Variants in KCNH1 observed in about 807,000 individuals in gnomAD.
The protein encoded by KCNH1 is voltage-gated delayed rectifier potassium channel KCNH1.
In KCNH1, 27 loss-of-function variants were observed where a neutral mutation model predicts 69.2. The observed-to-expected ratio is 0.39, with a 90% CI of 0.29 to 0.54. The LOEUF is 0.54. Among genes scored for constraint, KCNH1 ranks in the 20% least tolerant of loss-of-function variants. KCNH1 has a pLI of 0.68. For synonymous variants in KCNH1, 456 were observed against 487.7 expected (o/e 0.93, Z 0.86); for missense variants, 798 against 1,261.6 (o/e 0.63, Z 5.57).
chr1:211,023,139 TAAATAAATAAATAAATA>T (rs1359812762), intron 5 of KCNH1, among the ~76,000 whole-genome samples: 32 of 145,414 alleles, frequency 2.2e-4, no homozygotes, highest in African/African-American at 7.5e-4. Context: ...AATAAATAAA[TAAATAAATAAATAAATA>T]AATAAATTAA....
chr1:210,802,732 A>G (rs1684454705), intron 8 of KCNH1, among the ~76,000 whole-genome samples: 1 of 152,146 alleles, frequency 6.6e-6, no homozygotes, highest in Admixed American at 6.6e-5. Context: ...AAAACAAATA[A>G]CTAGAGAGAT....
At chr1:210,693,848 G>A (rs1467419295) in intron 10 of KCNH1, among the ~76,000 whole-genome samples, 1 of 152,150 alleles carries the variant, frequency 6.6e-6, no homozygotes, top group African/African-American at 2.4e-5. Context: ...GGAGACGCAT[G>A]CTAACTAACT....
chr1:210,746,111 G>A lies in KCNH1; in HGVS notation c.2112+29237C>T, dbSNP rs112773047. On this transcript the variant is annotated intron_variant, in intron 10 of 10. Transcript: ENST00000271751. ...CTGTTATTGATAAATATGGGGCAGT[G>A]ACCCTCTAAAAAGAGGTTGATCTTC... Among the ~76,000 whole-genome samples, 180 of 152,228 alleles carry A rather than the reference G, an allele frequency of 1.2e-3. 1 individual carries two copies. Among genetic ancestry groups the A allele is most frequent in the African/African-American group, 4.1e-3 (170 of 41,542 alleles).
At chr1:210,933,111 T>C (rs575000856) in intron 6 of KCNH1, among the ~76,000 whole-genome samples, 203 of 152,256 alleles carry the variant, frequency 1.3e-3, no homozygotes, top group African/African-American at 4.7e-3. Flanking sequence ...TTGGAACCAA[T>C]CCAAATGTCC....
intron 3 of KCNH1, among the ~76,000 whole-genome samples, chr1:211,095,285 A>ATCC (rs1316792806): frequency 3.3e-5 from 5 of 152,228 alleles, no homozygotes; most frequent in Admixed American, 6.5e-5. Flanking sequence ...TCAATGTTAA[A>ATCC]TCCTTTATTG....
At chr1:210,783,514 G>T (rs1684031977) in intron 9 of KCNH1, among the ~76,000 whole-genome samples, 1 of 152,224 alleles carries the variant, frequency 6.6e-6, no homozygotes. Context: ...ATCTGTTCAA[G>T]TTCTGACTAA....
chr1:210,852,886 G>A (rs1685738178), intron 7 of KCNH1, among the ~76,000 whole-genome samples: 2 of 152,162 alleles, frequency 1.3e-5, no homozygotes, highest in Admixed American at 1.3e-4. Flanking sequence ...GCACAACTGT[G>A]CCATCTGTTT....
rs76341382 is a variant in KCNH1 at position 211,018,487 on chromosome 1, T to G, written c.1032+296A>C. ...ATATACTCAATAGAAGACTTGCCAGTGCAGTGGCCATGCATGCCTGCTGCT... is the reference window on the plus strand; with the variant it reads ...ATATACTCAATAGAAGACTTGCCAGGGCAGTGGCCATGCATGCCTGCTGCT... On this transcript the variant is annotated intron_variant, in intron 6 of 10. Transcript: ENST00000271751. Among the ~76,000 whole-genome samples the G allele has an allele frequency of 9.8e-5, 15 of 152,364 alleles. No individual in the cohort carries two copies. The East Asian group carries it at 2.9e-3, about 29-fold the overall frequency.
chr1:210,868,309 A>G (rs1034076248), intron 7 of KCNH1, among the ~76,000 whole-genome samples: 2 of 151,942 alleles, frequency 1.3e-5, no homozygotes, highest in African/African-American at 4.8e-5. Context: ...ATTGAGTTGT[A>G]TAAGTTTTTT....
intron 6 of KCNH1, among the ~76,000 whole-genome samples, chr1:210,985,015 G>A (rs1245875083): frequency 1.3e-5 from 2 of 152,182 alleles, no homozygotes; most frequent in Admixed American, 1.3e-4. Context: ...AGTCTTGGGA[G>A]GGTGTATATG....
At chr1:210,839,394 C>T (rs981587937) in intron 7 of KCNH1, among the ~76,000 whole-genome samples, 8 of 151,758 alleles carry the variant, frequency 5.3e-5, no homozygotes, top group African/African-American at 9.7e-5. Flanking sequence ...GAACAACAAA[C>T]GCTGGGGAAC....
chr1:211,118,052 G>A (rs2102495249), intron 1 of KCNH1, among the ~76,000 whole-genome samples: 1 of 152,218 alleles, frequency 6.6e-6, no homozygotes, highest in South Asian at 2.1e-4. Flanking sequence ...TTTGCTCAAT[G>A]GAATTGTTTG....
intron 5 of KCNH1, among the ~76,000 whole-genome samples, chr1:211,062,830 G>T (rs1458026188): frequency 6.6e-6 from 1 of 152,184 alleles, no homozygotes; most frequent in Non-Finnish European, 1.5e-5. Context: ...GGATGTGGAG[G>T]AAAGGGAATC....
intron 1 of KCNH1, among the ~76,000 whole-genome samples, chr1:211,121,598 T>C (rs1691685573): frequency 6.6e-6 from 1 of 152,072 alleles, no homozygotes; most frequent in South Asian, 2.1e-4. Flanking sequence ...ACCTAGGCAA[T>C]ACCATTCAGG....
intron 1 of KCNH1, among the ~76,000 whole-genome samples, chr1:211,116,552 T>A (rs577121715): frequency 3.9e-5 from 6 of 152,294 alleles, no homozygotes; most frequent in Non-Finnish European, 7.4e-5. Flanking sequence ...GAAGAAGTAT[T>A]GGGGTGAATT....
At chr1:211,029,504 A>G (rs1276164876) in intron 5 of KCNH1, among the ~76,000 whole-genome samples, 2 of 151,930 alleles carry the variant, frequency 1.3e-5, no homozygotes, top group Non-Finnish European at 2.9e-5. Context: ...CCCAACACCC[A>G]TTCATAAAAC....
At chr1:210,896,352 A>G (rs7552646) in intron 7 of KCNH1, among the ~76,000 whole-genome samples, 17,461 of 152,202 alleles carry the variant, frequency 0.11, 1,312 homozygotes, top group Non-Finnish European at 0.17. Context: ...AACCCTAGAA[A>G]AAACCTGAGA....
intron 5 of KCNH1, among the ~76,000 whole-genome samples, chr1:211,020,177 A>G (rs971846299): frequency 6.6e-6 from 1 of 152,044 alleles, no homozygotes; most frequent in Admixed American, 6.6e-5. Context: ...TAAAATTAAG[A>G]CAAAAAATAC....
At chr1:210,859,245 C>T in intron 7 of KCNH1, 1 of 1,611,782 alleles carries the variant, frequency 6.2e-7, no homozygotes, top group Non-Finnish European at 8.5e-7. Flanking sequence ...AATTTGTATC[C>T]TCCATGCTTC....
Sources: gnomAD v4.1 joint callset for allele counts (sites outside exome capture counted in the v4.1 genomes callset) on GRCh38, gnomAD v4.1.1 for gene constraint, MANE v1.5 for transcripts, NCBI Gene and HGNC (gene_info 2026-07-23, HGNC 2026-07-21) for gene names.